The following SLC20A2 variants were observed in gnomAD, a reference collection of about 807,000 sequenced individuals.
SLC20A2 encodes solute carrier family 20 member 2.
In SLC20A2, 30 loss-of-function variants were observed where a neutral mutation model predicts 61.0. That is an observed-to-expected ratio of 0.49 (90% confidence interval 0.37 to 0.67). SLC20A2 has a LOEUF of 0.67. SLC20A2 is among the 30% of genes least tolerant of loss of function. SLC20A2 has a pLI of 0.00. For missense variants in SLC20A2, 626 were observed against 866.4 expected (o/e 0.72, Z 3.48); for synonymous variants, 351 against 353.3 (o/e 0.99, Z 0.07).
intron 10 of SLC20A2, among the ~76,000 whole-genome samples, chr8:42,424,177 T>C (rs1476276803): frequency 6.6e-6 from 1 of 152,238 alleles, no homozygotes; most frequent in Non-Finnish European, 1.5e-5. Flanking sequence ...GTAGTGGCAC[T>C]GTGTGTTATC....
At chr8:42,419,780 TTAAC>T (rs912484978) in intron 10 of SLC20A2, 1 of 492,330 alleles carries the variant, frequency 2.0e-6, no homozygotes, top group Non-Finnish European at 2.6e-6. Flanking sequence ...TTTTGGCTAA[TTAAC>T]CGACAAAAAG....
Position 42,457,639 on chromosome 8 carries a change from A to G in SLC20A2, c.613+2257T>C, listed in dbSNP as rs577465040. Among the ~76,000 whole-genome samples the G allele has an allele frequency of 3.3e-5, 5 of 152,228 alleles. No homozygotes were observed. The East Asian group carries it at 7.7e-4, about 24-fold the overall frequency. On this transcript the variant is annotated intron_variant, in intron 5 of 10. Transcript: ENST00000520262. ...GTAGCTGGGACTACAGGCGCGCACC[A>G]TCACGCCCAGCTAATTTTTGTATTT...
At chr8:42,491,902 T>C (rs1809544185) in intron 1 of SLC20A2, among the ~76,000 whole-genome samples, 1 of 152,196 alleles carries the variant, frequency 6.6e-6, no homozygotes, top group Non-Finnish European at 1.5e-5. Context: ...CAGGAGAGCT[T>C]TGGGACTTAA....
intron 1 of SLC20A2, among the ~76,000 whole-genome samples, chr8:42,507,750 C>T (rs1414270791): frequency 6.6e-6 from 1 of 152,236 alleles, no homozygotes; most frequent in Non-Finnish European, 1.5e-5. Flanking sequence ...TGAGTCATGA[C>T]ACTGTCCCAC....
intron 10 of SLC20A2, among the ~76,000 whole-genome samples, chr8:42,419,236 A>G (rs937226239): frequency 1.3e-5 from 2 of 152,116 alleles, no homozygotes; most frequent in Non-Finnish European, 2.9e-5. Context: ...CTTCTGCTAA[A>G]GATTTCACAA....
upstream of SLC20A2, among the ~76,000 whole-genome samples, chr8:42,505,943 C>T (rs560711181): frequency 2.7e-5 from 4 of 145,504 alleles, no homozygotes; most frequent in Non-Finnish European, 4.5e-5. Context: ...CTCTTCAACT[C>T]GTTAAGAATT....
At chr8:42,510,885 T>G (rs1403790253) in intron 1 of SLC20A2, among the ~76,000 whole-genome samples, 1 of 151,800 alleles carries the variant, frequency 6.6e-6, no homozygotes, top group Non-Finnish European at 1.5e-5. Flanking sequence ...CATGGATTTT[T>G]TAAAAAAAAG....
intron 10 of SLC20A2, among the ~76,000 whole-genome samples, chr8:42,425,469 C>T (rs2130940092): frequency 6.6e-6 from 1 of 152,298 alleles, no homozygotes; most frequent in African/African-American, 2.4e-5. Context: ...ACTGTGAGCT[C>T]TTCTCAGCAC....
At chr8:42,436,516 G>A (rs1804269795) in intron 8 of SLC20A2, among the ~76,000 whole-genome samples, 1 of 152,060 alleles carries the variant, frequency 6.6e-6, no homozygotes, top group Non-Finnish European at 1.5e-5. Flanking sequence ...CCTGTCAAAT[G>A]TGCCCTGTGT....
At chr8:42,528,668 ATTT>A (rs1228904865) in intron 1 of SLC20A2, among the ~76,000 whole-genome samples, 1 of 151,712 alleles carries the variant, frequency 6.6e-6, no homozygotes, top group East Asian at 2.0e-4. Flanking sequence ...GTCCTATTTT[ATTT>A]TTTTAATTTT....
intron 10 of SLC20A2, among the ~76,000 whole-genome samples, chr8:42,419,283 T>G (rs1237416618): frequency 6.6e-6 from 1 of 152,154 alleles, no homozygotes; most frequent in African/African-American, 2.4e-5. Context: ...AATGGTGATT[T>G]ACCAGGCCGG....
intron 1 of SLC20A2, among the ~76,000 whole-genome samples, chr8:42,478,778 G>A (rs368610730): frequency 1.3e-5 from 2 of 151,888 alleles, no homozygotes; most frequent in Non-Finnish European, 2.9e-5. Context: ...GGTCATAAAA[G>A]GTAATGTTCA....
chr8:42,426,004 C>A (rs996982079), intron 10 of SLC20A2, among the ~76,000 whole-genome samples: 12 of 152,092 alleles, frequency 7.9e-5, no homozygotes, highest in Admixed American at 6.6e-4. Flanking sequence ...CCACTGCACT[C>A]CAGCCTGGGT....
intron 8 of SLC20A2, among the ~76,000 whole-genome samples, chr8:42,430,947 C>T (rs1353126800): frequency 3.9e-5 from 6 of 152,364 alleles, no homozygotes; most frequent in African/African-American, 1.4e-4. Flanking sequence ...CCCTGCTCCA[C>T]TGACCGGCCA....
intron 3 of SLC20A2, 145 bp from the exon 4 acceptor site, chr8:42,463,235 A>C: frequency 1.8e-6 from 1 of 541,980 alleles, no homozygotes; most frequent in Non-Finnish European, 3.2e-6. Context: ...AGAACCTAAC[A>C]AGCCCTGTGA....
intron 8 of SLC20A2, among the ~76,000 whole-genome samples, chr8:42,431,720 A>T (rs1309882606): frequency 1.3e-5 from 2 of 152,226 alleles, no homozygotes; most frequent in African/African-American, 4.8e-5. Flanking sequence ...GCAGCTGGTA[A>T]CTTTAGTTGA....
chr8:42,425,725 AATACT>A (rs1470478209), intron 10 of SLC20A2, among the ~76,000 whole-genome samples: 2 of 152,112 alleles, frequency 1.3e-5, no homozygotes, highest in Non-Finnish European at 2.9e-5. Flanking sequence ...AAGCTATCCT[AATACT>A]ACTCATCACC....
intron 2 of SLC20A2, among the ~76,000 whole-genome samples, chr8:42,467,082 A>T (rs1345539032): frequency 6.6e-6 from 1 of 152,138 alleles, no homozygotes; most frequent in African/African-American, 2.4e-5. Flanking sequence ...TGCTGGGATG[A>T]CAGGCTCACT....
chr8:42,443,615 C>T (rs188598548), intron 6 of SLC20A2, among the ~76,000 whole-genome samples: 16 of 152,006 alleles, frequency 1.1e-4, no homozygotes, highest in Non-Finnish European at 2.2e-4. Context: ...CAGGTGTAAG[C>T]CACCATGCCC....
Sources: gnomAD v4.1 joint callset for allele counts (sites outside exome capture counted in the v4.1 genomes callset) on GRCh38, gnomAD v4.1.1 for gene constraint, MANE v1.5 for transcripts, NCBI Gene and HGNC (gene_info 2026-07-23, HGNC 2026-07-21) for gene names.